The following EDA variants were observed in gnomAD, a reference collection of about 807,000 sequenced individuals.
EDA encodes ectodysplasin A.
A neutral mutation model predicts 23.6 loss-of-function variants in EDA; 2 were observed. That is an observed-to-expected ratio of 0.08 (90% confidence interval 0.03 to 0.27). The LOEUF (loss-of-function observed/expected upper bound fraction) is 0.27, where lower values mean the gene tolerates loss of function less well. EDA is among the 10% of genes least tolerant of loss of function. The pLI, the probability that EDA is intolerant of heterozygous loss-of-function variation, is 1.00. For synonymous variants in EDA, 131 were observed against 132.0 expected (o/e 0.99, Z 0.05); for missense variants, 229 against 324.2 (o/e 0.71, Z 2.26).
intron 2 of EDA, among the ~76,000 whole-genome samples, chrX:69,987,567 G>T (rs2019520232): frequency 9.2e-6 from 1 of 109,109 alleles, no homozygotes; most frequent in Non-Finnish European, 1.9e-5. Context: ...ATTCATAACT[G>T]CCACTAAGCA....
At chrX:69,648,831 G>A (rs1227282447) in intron 1 of EDA, among the ~76,000 whole-genome samples, 1 of 111,649 alleles carries the variant, frequency 9.0e-6, no homozygotes, top group Admixed American at 9.5e-5. Flanking sequence ...GTGCCTGAGT[G>A]GCTGCTCTGC....
chrX:69,679,995 C>T (rs1453844268), intron 1 of EDA, among the ~76,000 whole-genome samples: 23 of 107,859 alleles, frequency 2.1e-4, no homozygotes, highest in Middle Eastern at 4.7e-3. Flanking sequence ...GCTTTGAATG[C>T]GTCCCAGAGA....
intron 2 of EDA, among the ~76,000 whole-genome samples, chrX:69,962,747 A>T (rs1203392458): frequency 8.9e-6 from 1 of 112,462 alleles, no homozygotes; most frequent in African/African-American, 3.2e-5. Flanking sequence ...AATACTTCAA[A>T]AATTATTAAG....
At chrX:69,655,762 C>CTATATAAATATATATATATATA (rs1933292724) in intron 1 of EDA, among the ~76,000 whole-genome samples, 3 of 52,503 alleles carry the variant, frequency 5.7e-5, no homozygotes, top group African/African-American at 3.4e-4. Context: ...TCATTAGAAT[C>CTATATAAATATATATATATATA]TATATATATA....
intron 1 of EDA, among the ~76,000 whole-genome samples, chrX:69,881,125 C>A (rs1335077381): frequency 3.6e-5 from 4 of 111,733 alleles, no homozygotes; most frequent in Non-Finnish European, 7.5e-5. Flanking sequence ...CAAGAAAAAG[C>A]AAAGCCAGTG....
intron 1 of EDA, among the ~76,000 whole-genome samples, chrX:69,953,819 G>A (rs1263035130): frequency 8.9e-6 from 1 of 111,818 alleles, no homozygotes; most frequent in Non-Finnish European, 1.9e-5. Flanking sequence ...ATGGATGATT[G>A]TAATCTAGAA....
intron 1 of EDA, among the ~76,000 whole-genome samples, chrX:69,896,398 A>AGTGTGTGT (rs373119823): frequency 0.021 from 2,079 of 97,279 alleles, 77 homozygotes; most frequent in African/African-American, 0.075. Flanking sequence ...TATGTGCATC[A>AGTGTGTGT]GTGTGTGTGT....
chrX:69,654,034 T>A (rs1201664073), intron 1 of EDA, among the ~76,000 whole-genome samples: 1 of 110,469 alleles, frequency 9.1e-6, no homozygotes, highest in South Asian at 3.8e-4. Flanking sequence ...TGGGAGAAAA[T>A]TTTTGCAACC....
chrX:69,751,506 G>C (rs1249904534), intron 1 of EDA, among the ~76,000 whole-genome samples: 1 of 111,601 alleles, frequency 9.0e-6, no homozygotes, highest in East Asian at 2.8e-4. Flanking sequence ...TTGGCAATGT[G>C]GGCTCCTTTT....
chrX:69,676,935 G>C (rs772384805), intron 1 of EDA, among the ~76,000 whole-genome samples: 2 of 100,321 alleles, frequency 2.0e-5, no homozygotes, highest in East Asian at 3.4e-4. Flanking sequence ...CCACTAACTC[G>C]TCATCTAGCA....
intron 1 of EDA, among the ~76,000 whole-genome samples, chrX:69,930,775 A>G (rs1460493227): frequency 9.0e-6 from 1 of 111,523 alleles, no homozygotes; most frequent in Non-Finnish European, 1.9e-5. Context: ...AAAAAGTTGT[A>G]AGAAATCCAC....
In EDA at chrX:70,036,022, C is replaced by T; in HGVS notation, c.*413C>T. On this transcript the variant is annotated 3_prime_UTR_variant, in exon 8 of 8. Transcript: ENST00000374552. ...TGACCCCAAGGGGGCTGCTGCTCCT[C>T]TCTTGGGTAGGGTAGTGGCTGGGGT... The T allele has an allele frequency of 5.6e-6, 1 of 177,209 alleles. No homozygotes were observed. The allele number at this position is 177,209 out of a possible 1,213,427, so 14.6% of individuals were successfully genotyped here.
At chrX:70,033,186 G>A (rs752783363) in intron 6 of EDA, among the ~76,000 whole-genome samples, 4 of 113,017 alleles carry the variant, frequency 3.5e-5, no homozygotes, top group African/African-American at 1.3e-4. Context: ...AAGACAGACA[G>A]GCAGAGCCCA....
At chrX:69,991,658 C>T (rs1307929520) in intron 2 of EDA, among the ~76,000 whole-genome samples, 1 of 111,573 alleles carries the variant, frequency 9.0e-6, no homozygotes, top group Non-Finnish European at 1.9e-5. Flanking sequence ...GGTAGAGGGA[C>T]AGCAGGTACA....
intron 1 of EDA, among the ~76,000 whole-genome samples, chrX:69,685,655 G>A (rs180866468): frequency 4.5e-5 from 5 of 111,860 alleles, no homozygotes; most frequent in African/African-American, 6.5e-5. Flanking sequence ...AAGATAAATA[G>A]GTTTCTAGTC....
intron 1 of EDA, among the ~76,000 whole-genome samples, chrX:69,836,006 C>G (rs1481574995): frequency 3.6e-5 from 4 of 112,037 alleles, no homozygotes; most frequent in Admixed American, 9.5e-5. Context: ...TGCTGGAGGT[C>G]CACTCCAGAC....
intron 1 of EDA, among the ~76,000 whole-genome samples, chrX:69,862,962 G>C (rs901717475): frequency 9.2e-6 from 1 of 108,608 alleles, no homozygotes; most frequent in Admixed American, 1.0e-4. Context: ...GTAGGAAATA[G>C]TTGGACTCTC....
chrX:69,868,314 C>T (rs1460792864), intron 1 of EDA, among the ~76,000 whole-genome samples: 7 of 112,177 alleles, frequency 6.2e-5, no homozygotes, highest in Non-Finnish European at 1.3e-4. Flanking sequence ...CAGTGTAATA[C>T]ACTCAAATGA....
At chrX:69,975,825 T>TAA (rs201559097) in intron 2 of EDA, among the ~76,000 whole-genome samples, 4 of 111,413 alleles carry the variant, frequency 3.6e-5, no homozygotes, top group African/African-American at 1.3e-4. Flanking sequence ...TTGGGTTACA[T>TAA]AAAAAAAATC....
Sources: gnomAD v4.1 joint callset for allele counts (sites outside exome capture counted in the v4.1 genomes callset) on GRCh38, gnomAD v4.1.1 for gene constraint, MANE v1.5 for transcripts, NCBI Gene and HGNC (gene_info 2026-07-23, HGNC 2026-07-21) for gene names.